The following EFEMP1 variants were observed in gnomAD, a reference collection of about 807,000 sequenced individuals.
EFEMP1 encodes the protein EGF-containing fibulin-like extracellular matrix protein 1.
EFEMP1 carries 18 observed loss-of-function variants against 65.7 expected under a neutral mutation model. That is an observed-to-expected ratio of 0.27 (90% CI 0.19 to 0.41). The LOEUF is 0.41. Ranked by LOEUF, EFEMP1 falls within the 10% of genes least tolerant of loss-of-function variation. The pLI, the probability that EFEMP1 is intolerant of heterozygous loss-of-function variation, is 1.00. For synonymous variants in EFEMP1, 237 were observed against 219.7 expected, an observed-to-expected ratio of 1.08 and a Z score of -0.70; for missense variants, 469 against 624.8, an observed-to-expected ratio of 0.75 and a Z score of 2.66.
Position 55,873,605 on chromosome 2 carries a change from G to A in EFEMP1, c.1000+1341C>T, listed in dbSNP as rs1572785871. Among the ~76,000 whole-genome samples the A allele has an allele frequency of 6.6e-6, 1 of 151,850 alleles. No individual in the cohort carries two copies. The highest frequency in any genetic ancestry group is 1.9e-4 in the East Asian group (1 of 5,198). ...TATGCATGTTGAAAGTCTCAATTAG[G>A]GTTCAGTAAGTAAAATCATTGGAAT... On this transcript the variant is annotated intron_variant, in intron 9 of 11. Coordinates refer to ENST00000355426, the MANE Select transcript of EFEMP1 (RefSeq NM_001039348.3). This position sits in a 1 kb window ranked among gnomAD's most constrained non-coding sequence, Gnocchi z 4.6.
chr2:55,874,041 T>C lies in EFEMP1; in HGVS notation c.1000+905A>G, dbSNP rs114010416. On this transcript the variant is annotated intron_variant, in intron 9 of 11. Coordinates refer to ENST00000355426, the MANE Select transcript of EFEMP1 (RefSeq NM_001039348.3). ...TTACAAATTATTTTTATGTATGTTA[T>C]TCCACTAAATTCCCACAACTCCCTT... 9.7e-3 allele frequency among the ~76,000 whole-genome samples: 1,449 copies of C among 149,586 alleles called. 25 individuals are homozygous for C. Among genetic ancestry groups the C allele is most frequent in the African/African-American group, 0.034 (1,367 of 40,174 alleles).
chr2:55,899,288 G>A (rs1335585976), intron 5 of EFEMP1, among the ~76,000 whole-genome samples: 2 of 152,206 alleles, frequency 1.3e-5, no homozygotes, highest in Non-Finnish European at 2.9e-5. Context: ...ATTTTTAAAA[G>A]TCTGACCTTA....
intron 11 of EFEMP1, among the ~76,000 whole-genome samples, chr2:55,869,178 T>A (rs578024553): frequency 1.3e-5 from 2 of 152,144 alleles, no homozygotes; most frequent in Admixed American, 1.3e-4. Flanking sequence ...CCATGTTTAA[T>A]TGCAAAGAAA....
rs563399644 is a variant in EFEMP1 at position 55,877,551 on chromosome 2, A to G, written c.760+195T>C. On this transcript the variant is annotated intron_variant, in intron 7 of 11. Transcript: ENST00000355426. This position sits in a 1 kb window ranked among gnomAD's most constrained non-coding sequence, Gnocchi z 4.5. The stretch of plus-strand genomic sequence containing the variant: ...ATCCACAGAGGAGAACTAAAACCAA[A>G]GTTAAAAAGTTTTCTGTTCACATCT... Among the ~76,000 whole-genome samples, 1 of 152,302 alleles carries G rather than the reference A, an allele frequency of 6.6e-6. No individual in the cohort carries two copies. The highest frequency in any genetic ancestry group is 1.5e-5 in the Non-Finnish European group (1 of 68,012).
rs183096018 is a variant in EFEMP1 at position 55,913,903 on chromosome 2, G to A, written c.517+3762C>T. Reference sequence around the variant, plus strand: ...TGCACGCCTGTAGTCACAGCTACTCGGGAGGCTGAGGCACAAGAATTGCTT... The same window carrying A: ...TGCACGCCTGTAGTCACAGCTACTCAGGAGGCTGAGGCACAAGAATTGCTT... On this transcript the variant is annotated intron_variant, in intron 5 of 11. Coordinates refer to ENST00000355426, the MANE Select transcript of EFEMP1 (RefSeq NM_001039348.3). Among the ~76,000 whole-genome samples the A allele has an allele frequency of 4.0e-4, 61 of 152,020 alleles. 1 individual carries two copies. Among genetic ancestry groups the A allele is most frequent in the Non-Finnish European group, 3.7e-4 (25 of 68,008 alleles).
chr2:55,896,960 C>A (rs907710485), intron 5 of EFEMP1, among the ~76,000 whole-genome samples: 9 of 152,190 alleles, frequency 5.9e-5, no homozygotes, highest in African/African-American at 2.2e-4. Context: ...CTTGCTCTTC[C>A]CTTTTCCCAT....
chr2:55,884,959 G>C (rs1295162931), intron 5 of EFEMP1, among the ~76,000 whole-genome samples: 1 of 152,158 alleles, frequency 6.6e-6, no homozygotes, highest in Non-Finnish European at 1.5e-5. Flanking sequence ...ATTACCATTT[G>C]CTGAGAATTG....
At position 55,866,011 on chromosome 2, in the gene EFEMP1, A is replaced by G. The variant is rs142276628; in HGVS notation, c.*1062T>C. On this transcript the variant is annotated 3_prime_UTR_variant, in exon 12 of 12. Coordinates refer to ENST00000355426, the MANE Select transcript of EFEMP1 (RefSeq NM_001039348.3). ...TTATTTTTATTTAAAAATATGATAC[A>G]TCAAAGTAAAGCAGTGACATTTTAA... The G allele has an allele frequency of 6.6e-6, 1 of 152,316 alleles. No homozygotes were observed. The highest frequency in any genetic ancestry group is 2.4e-5 in the African/African-American group (1 of 41,560). 9.4% of individuals were successfully genotyped at this position (152,316 alleles called of 1,614,324 possible).
intron 5 of EFEMP1, among the ~76,000 whole-genome samples, chr2:55,889,225 C>T (rs1669544026): frequency 6.6e-6 from 1 of 152,218 alleles, no homozygotes; most frequent in Non-Finnish European, 1.5e-5. Flanking sequence ...TTGCTGACCT[C>T]CTAATTGTAT....
chr2:55,876,333 G>A (rs562733409), intron 8 of EFEMP1, among the ~76,000 whole-genome samples: 2 of 152,234 alleles, frequency 1.3e-5, no homozygotes, highest in South Asian at 2.1e-4. Flanking sequence ...CTCCCAGGAG[G>A]TGCTGACATA....
Position 55,883,371 on chromosome 2 carries a change from T to C in EFEMP1, c.518-1637A>G. On this transcript the variant is annotated intron_variant, in intron 5 of 11. Coordinates refer to ENST00000355426, the MANE Select transcript of EFEMP1 (RefSeq NM_001039348.3). This position sits in a 1 kb window ranked among gnomAD's most constrained non-coding sequence, Gnocchi z 4.5. ...CCTGCTTTGAAATTATCTGCTGTTTTTTGTGTCTTTTATTATTTTCTCAGA... is the reference window on the plus strand; with the variant it reads ...CCTGCTTTGAAATTATCTGCTGTTTCTTGTGTCTTTTATTATTTTCTCAGA... Among the ~76,000 whole-genome samples, 1 of 152,198 alleles carries C rather than the reference T, an allele frequency of 6.6e-6. No homozygotes were observed. The highest frequency in any genetic ancestry group is 1.9e-4 in the East Asian group (1 of 5,202).
At position 55,877,780 on chromosome 2, in the gene EFEMP1, C is replaced by G; in HGVS notation, c.726G>C (p.Gly242=). The G allele has an allele frequency of 6.2e-7, 1 of 1,613,226 alleles. No individual in the cohort carries two copies. Among genetic ancestry groups the G allele is most frequent in the South Asian group, 1.1e-5 (1 of 91,080 alleles). ...PGSFYCQCSP[G]FQLAANNYTC... ...TATAGTTGTTTGCTGCCAATTGAAA[C>G]CCAGGACTGCACTGGCAATAAAATG... is the stretch of plus-strand genomic sequence containing the variant. Residue 242 remains glycine (G), a synonymous_variant, in exon 7 of 12, where the codon GGG becomes GGC. Transcript: ENST00000355426. The surrounding 1 kb of genome is among the most constrained non-coding windows in gnomAD (Gnocchi z 4.5).
At chr2:55,889,959 G>A (rs1335023960) in intron 5 of EFEMP1, among the ~76,000 whole-genome samples, 1 of 151,900 alleles carries the variant, frequency 6.6e-6, no homozygotes, top group African/African-American at 2.4e-5. Flanking sequence ...CAAATAGAAT[G>A]GTAGGTAGTT....
intron 5 of EFEMP1, among the ~76,000 whole-genome samples, chr2:55,893,340 G>C (rs1572817043): frequency 1.3e-5 from 2 of 152,206 alleles, no homozygotes; most frequent in Admixed American, 1.3e-4. Flanking sequence ...GAGTTCAGGG[G>C]AGGACTTGTT....
At chr2:55,875,157 A>G (rs1307249640) in intron 8 of EFEMP1, 92 bp from the exon 9 acceptor site, 2 of 503,754 alleles carry the variant, frequency 4.0e-6, no homozygotes, top group South Asian at 5.5e-5. Flanking sequence ...ATATATATAT[A>G]TAAATTATAA....
In EFEMP1 at chr2:55,867,618, T is replaced by C. The variant is rs994629578; in HGVS notation, c.1321-384A>G. Among the ~76,000 whole-genome samples the C allele has an allele frequency of 6.6e-6, 1 of 152,158 alleles. No individual in the cohort carries two copies. Among genetic ancestry groups the C allele is most frequent in the Non-Finnish European group, 1.5e-5 (1 of 68,024 alleles). ...CTTTTCATTTTCTCAACATTGTGCA[T>C]CTGTTTACATTCTAGTAAGTAAAGA... On this transcript the variant is annotated intron_variant, in intron 11 of 11. Transcript: ENST00000355426. The surrounding 1 kb of genome is among the most constrained non-coding windows in gnomAD (Gnocchi z 4.3).
chr2:55,908,672 AC>A (rs1353345027), intron 5 of EFEMP1, among the ~76,000 whole-genome samples: 1 of 152,202 alleles, frequency 6.6e-6, no homozygotes, highest in Non-Finnish European at 1.5e-5. Context: ...ATATATCAAA[AC>A]ATCACATTGC....
At chr2:55,907,721 G>T (rs1423380485) in intron 5 of EFEMP1, among the ~76,000 whole-genome samples, 1 of 152,150 alleles carries the variant, frequency 6.6e-6, no homozygotes, top group Non-Finnish European at 1.5e-5. Flanking sequence ...CTGCAAGGTG[G>T]GCAGTGAGTT....
chr2:55,884,747 A>G (rs1398921701), intron 5 of EFEMP1, among the ~76,000 whole-genome samples: 1 of 152,220 alleles, frequency 6.6e-6, no homozygotes, highest in South Asian at 2.1e-4. Context: ...TTGCATGATT[A>G]TAATTTATCC....
Sources: gnomAD v4.1 joint callset for allele counts (sites outside exome capture counted in the v4.1 genomes callset) on GRCh38, gnomAD v4.1.1 for gene constraint, Gnocchi (gnomAD v3.1) non-coding constraint, MANE v1.5 for transcripts, NCBI Gene and HGNC (gene_info 2026-07-23, HGNC 2026-07-21) for gene names.